Variants in RASA3 observed in about 807,000 individuals in gnomAD.
The protein encoded by RASA3 is RAS p21 protein activator 3.
RASA3 carries 73 observed loss-of-function variants against 110.0 expected under a neutral mutation model. The observed-to-expected ratio is 0.66, with a 90% CI of 0.55 to 0.81. The LOEUF (loss-of-function observed/expected upper bound fraction) is 0.81, where lower values mean the gene tolerates loss of function less well. Among genes scored for constraint, RASA3 ranks in the 30% least tolerant of loss-of-function variants. RASA3 has a pLI of 0.00. For missense variants in RASA3, 976 were observed against 1,113.2 expected (o/e 0.88, Z 1.75); for synonymous variants, 500 against 451.4 (o/e 1.11, Z -1.37).
intron 1 of RASA3, among the ~76,000 whole-genome samples, chr13:114,102,554 T>C (rs2080073217): frequency 6.6e-6 from 1 of 152,140 alleles, no homozygotes; most frequent in East Asian, 1.9e-4. Context: ...AGCACTGCCC[T>C]CTACACACAA....
At chr13:114,073,996 C>A (rs1318553313) in intron 1 of RASA3, among the ~76,000 whole-genome samples, 159 bp from the exon 2 acceptor site, 2 of 152,238 alleles carry the variant, frequency 1.3e-5, no homozygotes. Flanking sequence ...ATGTGCACCC[C>A]ATGTGTACTG....
chr13:114,094,788 G>A (rs933264431), intron 1 of RASA3, among the ~76,000 whole-genome samples: 1 of 151,798 alleles, frequency 6.6e-6, no homozygotes, highest in Non-Finnish European at 1.5e-5. Flanking sequence ...CATTTTGTTG[G>A]GCTATAATAT....
At chr13:114,015,963 C>T (rs926322034) in intron 13 of RASA3, among the ~76,000 whole-genome samples, 1 of 152,072 alleles carries the variant, frequency 6.6e-6, no homozygotes, top group African/African-American at 2.4e-5. Context: ...GAAGAGCTGG[C>T]CGGGACCCCC....
chr13:114,021,940 A>G (rs923697255), intron 8 of RASA3, among the ~76,000 whole-genome samples: 1 of 151,962 alleles, frequency 6.6e-6, no homozygotes, highest in Non-Finnish European at 1.5e-5. Context: ...GGGAGCCAGG[A>G]GTTGCTGTGT....
At chr13:114,076,720 T>TGGTGGCCGCGGCTGCCCCTGAATTTGAG (rs1318306684) in intron 1 of RASA3, among the ~76,000 whole-genome samples, 20 of 152,164 alleles carry the variant, frequency 1.3e-4, no homozygotes, top group Non-Finnish European at 2.2e-4. Context: ...GCAGCCTTCC[T>TGGTGGCCGCGGCTGCCCCTGAATTTGAG]GGTGGCCGCG....
intron 1 of RASA3, chr13:114,077,791 C>T (rs753501156): frequency 4.2e-4 from 408 of 979,252 alleles, no homozygotes; most frequent in Non-Finnish European, 4.8e-4. Context: ...CGCCCGATGG[C>T]CCCGTCTTTA....
At chr13:114,015,364 C>A (rs905550126) in intron 13 of RASA3, 32 bp from the exon 14 acceptor site, 3 of 1,609,664 alleles carry the variant, frequency 1.9e-6, no homozygotes, top group Non-Finnish European at 8.5e-7. Flanking sequence ...GGACCCACTC[C>A]CGAGGCTGCC....
chr13:114,101,233 A>T (rs1053811440), intron 1 of RASA3, among the ~76,000 whole-genome samples: 3 of 152,198 alleles, frequency 2.0e-5, no homozygotes, highest in African/African-American at 7.2e-5. Context: ...AGAACCAGGG[A>T]ATTTCAGAGG....
intron 1 of RASA3, among the ~76,000 whole-genome samples, chr13:114,131,131 T>C (rs2080512661): frequency 6.6e-6 from 1 of 152,178 alleles, no homozygotes; most frequent in African/African-American, 2.4e-5. Flanking sequence ...ATCAAGACAG[T>C]GTCTCAGCGA....
intron 3 of RASA3, among the ~76,000 whole-genome samples, chr13:114,051,296 G>A (rs540054537): frequency 6.6e-6 from 1 of 152,350 alleles, no homozygotes; most frequent in South Asian, 2.1e-4. Flanking sequence ...CTGGGCGTGA[G>A]CTCAGGCGCC....
rs2079094536 is a variant in RASA3 at position 114,048,692 on chromosome 13, T to A, written c.277+3360A>T. ...GCCTGCGCCCCGTGTGTCCCGCAGG[T>A]CACGGCCCTGCAGCTGGGAGCCCGG... On this transcript the variant is annotated intron_variant, in intron 3 of 23. Coordinates refer to ENST00000334062, the MANE Select transcript of RASA3 (RefSeq NM_007368.4). This position sits in a 1 kb window ranked among gnomAD's most constrained non-coding sequence, Gnocchi z 4.3. Among the ~76,000 whole-genome samples, 1 of 152,176 alleles carries A rather than the reference T, an allele frequency of 6.6e-6. No individual in the cohort carries two copies. The highest frequency in any genetic ancestry group is 1.5e-5 in the Non-Finnish European group (1 of 68,022).
intron 2 of RASA3, among the ~76,000 whole-genome samples, chr13:114,068,638 G>A (rs1012396507): frequency 2.0e-4 from 30 of 152,186 alleles, no homozygotes; most frequent in Non-Finnish European, 2.9e-5. Context: ...AGGGCGGGAA[G>A]CTGGTTCCCA....
Position 114,112,106 on chromosome 13 carries a change from C to CCCG in RASA3, c.55+20328_55+20329insCGG, listed in dbSNP as rs386380801. Among the ~76,000 whole-genome samples, 1 of 151,864 alleles carries CCCG rather than the reference C, an allele frequency of 6.6e-6. No individual in the cohort carries two copies. Among genetic ancestry groups the CCCG allele is most frequent in the Non-Finnish European group, 1.5e-5 (1 of 67,946 alleles). On this transcript the variant is annotated intron_variant, in intron 1 of 23. Transcript: ENST00000334062. This position sits in a 1 kb window ranked among gnomAD's most constrained non-coding sequence, Gnocchi z 4.8. ...AAACAGCAGCCCCCAGGCACCCCCC[C>CCCG]CAGCAACTGGGACAAGGGCACACCA...
chr13:113,992,779 C>T lies in RASA3; in HGVS notation c.2142-191G>A, dbSNP rs868520. Among the ~76,000 whole-genome samples, 879 of 152,330 alleles carry T rather than the reference C, an allele frequency of 5.8e-3. 23 individuals carry two copies. The highest frequency in any genetic ancestry group is 0.057 in the East Asian group (297 of 5,188). ...GCTTGCTGAGCAAGGCTGACAGCGT[C>T]CACAGCAGCACGGACAGCAGTGTCA... On this transcript the variant is annotated intron_variant, in intron 21 of 23. Transcript: ENST00000334062.
chr13:114,010,643 G>A (rs1269795707), intron 16 of RASA3, among the ~76,000 whole-genome samples: 2 of 115,668 alleles, frequency 1.7e-5, no homozygotes, highest in Non-Finnish European at 3.6e-5. Context: ...TGGGGAGGAA[G>A]CGCCACGTGG....
chr13:114,067,509 C>T (rs72659556), intron 2 of RASA3, among the ~76,000 whole-genome samples: 19 of 152,156 alleles, frequency 1.2e-4, no homozygotes, highest in African/African-American at 3.9e-4. Context: ...GAGAATGAAC[C>T]GTCTGTCTCC....
chr13:113,979,981 TCCC>T (rs904222367), intron 23 of RASA3, among the ~76,000 whole-genome samples: 18 of 128,836 alleles, frequency 1.4e-4, no homozygotes, highest in African/African-American at 4.9e-4. Context: ...GTGTACCTCC[TCCC>T]ATGTGTGTGC....
intron 19 of RASA3, among the ~76,000 whole-genome samples, chr13:114,000,435 C>T (rs1037405205): frequency 6.6e-6 from 1 of 152,176 alleles, no homozygotes; most frequent in Non-Finnish European, 1.5e-5. Flanking sequence ...ATTTCCTAAT[C>T]TAGATCTGAG....
At chr13:114,049,426 C>T (rs1340980287) in intron 3 of RASA3, among the ~76,000 whole-genome samples, 2 of 152,184 alleles carry the variant, frequency 1.3e-5, no homozygotes, top group African/African-American at 4.8e-5. Flanking sequence ...CAGACGACGT[C>T]AACAGAATGA....
Sources: gnomAD v4.1 joint callset for allele counts (sites outside exome capture counted in the v4.1 genomes callset) on GRCh38, gnomAD v4.1.1 for gene constraint, Gnocchi (gnomAD v3.1) non-coding constraint, MANE v1.5 for transcripts, NCBI Gene and HGNC (gene_info 2026-07-23, HGNC 2026-07-21) for gene names.